Variants in AVPI1 observed in about 807,000 individuals in gnomAD.
AVPI1 encodes arginine vasopressin induced 1, also known as arginine vasopressin-induced protein 1.
In AVPI1, 9 loss-of-function variants were observed where a neutral mutation model predicts 11.9. The observed-to-expected ratio is 0.76, with a 90% CI of 0.46 to 1.32. The LOEUF (loss-of-function observed/expected upper bound fraction) is 1.32, where lower values mean the gene tolerates loss of function less well. AVPI1 is among the 40% of genes most tolerant of loss of function. AVPI1 has a pLI of 0.00. For synonymous variants in AVPI1, 68 were observed against 78.1 expected, an observed-to-expected ratio of 0.87 and a Z score of 0.68; for missense variants, 207 against 195.8, an observed-to-expected ratio of 1.06 and a Z score of -0.34.
chr10:97,681,182 T>G (rs1295254388), intron 1 of AVPI1, among the ~76,000 whole-genome samples: 1 of 152,214 alleles, frequency 6.6e-6, no homozygotes, highest in Admixed American at 6.5e-5. Flanking sequence ...ATTACCCACT[T>G]CTTAGGGTTA....
At chr10:97,679,232 C>T (rs2041689315) in intron 2 of AVPI1, among the ~76,000 whole-genome samples, 1 of 150,530 alleles carries the variant, frequency 6.6e-6, no homozygotes, top group South Asian at 2.1e-4. Context: ...GCAACCTCCA[C>T]CTCCCAGATT....
intron 1 of AVPI1, among the ~76,000 whole-genome samples, chr10:97,681,911 G>GA (rs1168272168): frequency 7.2e-6 from 1 of 138,376 alleles, no homozygotes; most frequent in Non-Finnish European, 1.6e-5. Flanking sequence ...AAAAAAAAAA[G>GA]AAAAAAAGAA....
intron 1 of AVPI1, among the ~76,000 whole-genome samples, chr10:97,685,178 T>A (rs1416688070): frequency 6.6e-6 from 1 of 152,140 alleles, no homozygotes; most frequent in Non-Finnish European, 1.5e-5. Flanking sequence ...AAAGACCAAT[T>A]GCAAAATACT....
At position 97,677,490 on chromosome 10, in the gene AVPI1, G is replaced by T. The variant is rs868623619; in HGVS notation, c.*379C>A. ...CCTGTGCTATCCTGATGGTGTGGGG[G>T]TGTGGAACAGGCTGCTGGAACCATG... is the stretch of plus-strand genomic sequence containing the variant. On this transcript the variant is annotated 3_prime_UTR_variant, in exon 3 of 3. Transcript: ENST00000370626. The T allele has an allele frequency of 5.0e-6, 1 of 199,950 alleles. No individual in the cohort carries two copies. Among genetic ancestry groups the T allele is most frequent in the Non-Finnish European group, 1.0e-5 (1 of 97,470 alleles). 12.4% of individuals were successfully genotyped at this position (199,950 alleles called of 1,614,324 possible).
intron 2 of AVPI1, 70 bp from the exon 3 acceptor site, chr10:97,678,095 G>A (rs373092990): frequency 5.2e-5 from 78 of 1,505,638 alleles, no homozygotes; most frequent in Admixed American, 3.6e-4. Flanking sequence ...AAGAGATTTC[G>A]TCATGGTGGA....
intron 1 of AVPI1, among the ~76,000 whole-genome samples, chr10:97,681,094 G>A (rs1480649610): frequency 6.6e-6 from 1 of 152,160 alleles, no homozygotes; most frequent in Admixed American, 6.5e-5. Flanking sequence ...CAGGTTTTGA[G>A]TTCCAACTCT....
intron 2 of AVPI1, among the ~76,000 whole-genome samples, chr10:97,678,918 TGTGTGTGTGTGTGTGTGTGTGTGTGTG>T (rs2041683424): frequency 1.5e-4 from 2 of 13,100 alleles, no homozygotes; most frequent in East Asian, 3.4e-3. Flanking sequence ...TGTGTGTGTG[TGTGTGTGTGTGTGTGTGTGTGTGTGTG>T]TGTGTGTGTG....
chr10:97,680,507 G>T (rs138965422), intron 1 of AVPI1, among the ~76,000 whole-genome samples: 2 of 152,174 alleles, frequency 1.3e-5, no homozygotes, highest in South Asian at 4.1e-4. Flanking sequence ...AGGTAAGAGA[G>T]GAGTTGTGGA....
chr10:97,681,855 G>A (rs1206752227), intron 1 of AVPI1, among the ~76,000 whole-genome samples: 2 of 147,070 alleles, frequency 1.4e-5, no homozygotes, highest in Non-Finnish European at 3.0e-5. Flanking sequence ...TCCGCAGTCC[G>A]GCCTGGGCGA....
chr10:97,683,842 G>A (rs1388200093), intron 1 of AVPI1, among the ~76,000 whole-genome samples: 2 of 152,226 alleles, frequency 1.3e-5, no homozygotes, highest in Admixed American at 6.5e-5. Flanking sequence ...AAAACCTCAG[G>A]CAATTCACAT....
intron 2 of AVPI1, among the ~76,000 whole-genome samples, chr10:97,678,502 C>T (rs2041678230): frequency 1.3e-5 from 2 of 152,130 alleles, no homozygotes; most frequent in Non-Finnish European, 2.9e-5. Context: ...TGGTTCAGCT[C>T]CATCCCTTTG....
chr10:97,684,188 G>A (rs185327744), intron 1 of AVPI1, among the ~76,000 whole-genome samples: 4 of 152,282 alleles, frequency 2.6e-5, no homozygotes, highest in African/African-American at 7.2e-5. Context: ...GACCAAGCCC[G>A]GGGCAGACGC....
chr10:97,681,884 CAAAAAAAAAGA>C (rs2041706344), intron 1 of AVPI1, among the ~76,000 whole-genome samples: 1 of 35,892 alleles, frequency 2.8e-5, no homozygotes, highest in South Asian at 9.6e-4. Context: ...GACTCCGTCT[CAAAAAAAAAGA>C]AAAAAAAAAA....
chr10:97,681,132 G>A (rs932620221), intron 1 of AVPI1, among the ~76,000 whole-genome samples: 2 of 152,140 alleles, frequency 1.3e-5, no homozygotes, highest in Non-Finnish European at 2.9e-5. Flanking sequence ...ACCCAACCTC[G>A]TCTCTGAGCC....
At position 97,679,651 on chromosome 10, in the gene AVPI1, CA is replaced by C; in HGVS notation, c.254del (p.Leu85ArgfsTer84). ...RRKRPPRQKP[L>X]GHSLHHCSRL... ...GGCTGCAGTGGTGTAGCGAGTGGCC[CA>C]GGGGTTTCTGCCTTGGGGGCCTCTT... On this transcript the variant is annotated frameshift_variant, in exon 2 of 3. Transcript: ENST00000370626. LOFTEE classifies it high-confidence loss of function. 1 of 1,613,730 alleles carries C rather than the reference CA, an allele frequency of 6.2e-7. No homozygotes were observed. The highest frequency in any genetic ancestry group is 8.5e-7 in the Non-Finnish European group (1 of 1,179,864).
At chr10:97,683,250 T>C (rs548060737) in intron 1 of AVPI1, among the ~76,000 whole-genome samples, 6 of 152,232 alleles carry the variant, frequency 3.9e-5, no homozygotes, top group Non-Finnish European at 5.9e-5. Context: ...CTCTACCTCC[T>C]GAGTTCAAGT....
intron 1 of AVPI1, among the ~76,000 whole-genome samples, chr10:97,681,939 TA>T (rs1368881221): frequency 6.7e-6 from 1 of 149,790 alleles, no homozygotes; most frequent in Non-Finnish European, 1.5e-5. Context: ...ATACAACAAT[TA>T]AAAAATACAA....
Position 97,677,754 on chromosome 10 carries a change from A to T in AVPI1, c.*115T>A. On this transcript the variant is annotated 3_prime_UTR_variant, in exon 3 of 3. Transcript: ENST00000370626. ...CTGAATGGAGCAGGTCAGTGGCAGC[A>T]GCCTCTTGCTTTCATTTACCCCTTT... 1 of 1,272,894 alleles carries T rather than the reference A, an allele frequency of 7.9e-7. No homozygotes were observed. Among genetic ancestry groups the T allele is most frequent in the Non-Finnish European group, 1.1e-6 (1 of 914,890 alleles). The allele number at this position is 1,272,894 out of a possible 1,614,324, so 78.8% of individuals were successfully genotyped here. A position where few individuals can be genotyped will look rare whatever the true frequency, so the allele number is the denominator to read the frequency against.
rs2041686135 is a variant in AVPI1 at position 97,678,963 on chromosome 10, G to GACAGGA, written c.287+655_287+656insTCCTGT. Among the ~76,000 whole-genome samples, 20 of 62,054 alleles carry GACAGGA rather than the reference G, an allele frequency of 3.2e-4. 1 individual carries two copies. Among genetic ancestry groups the GACAGGA allele is most frequent in the South Asian group, 1.6e-3 (2 of 1,274 alleles). The allele number at this position is 62,054 out of a possible 152,430, so 40.7% of individuals were successfully genotyped here. On this transcript the variant is annotated intron_variant, in intron 2 of 2. Transcript: ENST00000370626. ...TGTGTGTGTGTGTGTGTGTGTGTGT[G>GACAGGA]TGTGTGTGTGTGTGTGTGTGTGTGT...
Sources: gnomAD v4.1 joint callset for allele counts (sites outside exome capture counted in the v4.1 genomes callset) on GRCh38, gnomAD v4.1.1 for gene constraint, MANE v1.5 for transcripts, NCBI Gene and HGNC (gene_info 2026-07-23, HGNC 2026-07-21) for gene names.